Variants in LMBR1 observed in about 807,000 individuals in gnomAD.
LMBR1 encodes the protein limb development membrane protein 1, also known as limb region 1 protein homolog.
In LMBR1, 52 loss-of-function variants were observed where a neutral mutation model predicts 73.9. The ratio of observed to expected loss-of-function variants is 0.70; its 90% CI spans 0.56 to 0.89. The LOEUF is 0.89. Ranked by LOEUF, LMBR1 falls within the 40% of genes least tolerant of loss-of-function variation. The pLI is 0.00. For synonymous variants in LMBR1, 215 were observed against 209.4 expected (o/e 1.03, Z -0.23); for missense variants, 539 against 579.8 (o/e 0.93, Z 0.72).
chr7:156,700,290 G>C (rs1809360907), intron 15 of LMBR1, among the ~76,000 whole-genome samples: 1 of 151,964 alleles, frequency 6.6e-6, no homozygotes, highest in Non-Finnish European at 1.5e-5. Context: ...ACTATTGCAA[G>C]GACAAAAAAC....
chr7:156,729,753 G>A (rs561603812), intron 10 of LMBR1, among the ~76,000 whole-genome samples: 2 of 152,306 alleles, frequency 1.3e-5, no homozygotes, highest in South Asian at 2.1e-4. Flanking sequence ...GATTACAGGC[G>A]TGAGCCACTG....
chr7:156,681,368 T>A lies in LMBR1; in HGVS notation c.*2710A>T, dbSNP rs748953678. The A allele has an allele frequency of 2.4e-5, 7 of 286,128 alleles. No homozygotes were observed. Among genetic ancestry groups the A allele is most frequent in the Non-Finnish European group, 4.1e-5 (6 of 147,572 alleles). The allele number at this position is 286,128 out of a possible 1,614,324, so 17.7% of individuals were successfully genotyped here. ...AGTGCAGCAATTTAAGGAGCTAACA[T>A]TAGTGTGTATGTGTGTACAAATTTC... On this transcript the variant is annotated 3_prime_UTR_variant, in exon 17 of 17. Transcript: ENST00000353442.
At position 156,763,247 on chromosome 7, in the gene LMBR1, C is replaced by G. The variant is rs147958223; in HGVS notation, c.551-71G>C. 7 of 653,746 alleles carry G rather than the reference C, an allele frequency of 1.1e-5. No individual in the cohort carries two copies. The South Asian group carries it at 1.5e-4, about 14-fold the overall frequency. The allele number at this position is 653,746 out of a possible 1,614,324, so 40.5% of individuals were successfully genotyped here. On this transcript the variant is annotated intron_variant, in intron 6 of 16. Transcript: ENST00000353442. ...ACATTAAGATAGTCAGTCTATCTTACGATAAGATAGAGGCTGACTGTACCT... is the reference window on the plus strand; with the variant it reads ...ACATTAAGATAGTCAGTCTATCTTAGGATAAGATAGAGGCTGACTGTACCT...
At chr7:156,859,213 A>G (rs1268624273) in intron 1 of LMBR1, among the ~76,000 whole-genome samples, 2 of 150,734 alleles carry the variant, frequency 1.3e-5, no homozygotes, top group African/African-American at 4.9e-5. Flanking sequence ...GCGCCATTGC[A>G]GTCCAGCCTG....
intron 1 of LMBR1, among the ~76,000 whole-genome samples, chr7:156,838,379 C>T (rs942675728): frequency 1.3e-5 from 2 of 152,128 alleles, no homozygotes; most frequent in African/African-American, 2.4e-5. Flanking sequence ...AAGCCCCCAC[C>T]CCTAGTCCCT....
At chr7:156,676,559 G>A, downstream of LMBR1, 1 of 1,614,218 alleles carries the variant, frequency 6.2e-7, no homozygotes, top group South Asian at 1.1e-5. Context: ...ATGCGTGTCT[G>A]CTGGCACTAG....
intron 15 of LMBR1, among the ~76,000 whole-genome samples, chr7:156,699,818 C>T (rs1437664766): frequency 6.6e-6 from 1 of 152,132 alleles, no homozygotes; most frequent in East Asian, 1.9e-4. Flanking sequence ...TCATCACTGG[C>T]CATCAGAGAA....
chr7:156,712,382 G>GA (rs1157977378), intron 15 of LMBR1, among the ~76,000 whole-genome samples: 1 of 152,122 alleles, frequency 6.6e-6, no homozygotes, highest in African/African-American at 2.4e-5. Context: ...AGAGGATGCA[G>GA]AAAAAAGGGA....
chr7:156,734,704 A>C (rs982567188), intron 9 of LMBR1, among the ~76,000 whole-genome samples: 16 of 152,192 alleles, frequency 1.1e-4, no homozygotes, highest in Non-Finnish European at 1.5e-5. Flanking sequence ...GTAAAGTTCT[A>C]ATTTGATCTA....
At chr7:156,892,587 A>C in intron 1 of LMBR1, 2 of 202,146 alleles carry the variant, frequency 9.9e-6, no homozygotes, top group Non-Finnish European at 2.0e-5. Flanking sequence ...CGCGGCGCGC[A>C]CCGCAGCCCT....
chr7:156,840,230 A>C (rs906780461), intron 1 of LMBR1, among the ~76,000 whole-genome samples: 10 of 152,230 alleles, frequency 6.6e-5, no homozygotes, highest in African/African-American at 2.2e-4. Context: ...TGGAGCTTAC[A>C]GTACACTGCG....
chr7:156,865,167 C>T (rs868362664), intron 1 of LMBR1, among the ~76,000 whole-genome samples: 15 of 151,746 alleles, frequency 9.9e-5, no homozygotes, highest in African/African-American at 2.9e-4. Flanking sequence ...ATTAGCTGGG[C>T]GTGATGTTGC....
At chr7:156,757,567 T>C (rs1267688753) in intron 8 of LMBR1, among the ~76,000 whole-genome samples, 1 of 152,228 alleles carries the variant, frequency 6.6e-6, no homozygotes, top group East Asian at 1.9e-4. Flanking sequence ...GGATCCTTAT[T>C]ATCTTCGTAG....
chr7:156,675,333 A>C (rs1318979512), downstream of LMBR1, among the ~76,000 whole-genome samples: 1 of 152,124 alleles, frequency 6.6e-6, no homozygotes. Context: ...GGTGCCTCTC[A>C]CAGGAGGGTC....
At chr7:156,689,496 A>T (rs537942017) in intron 15 of LMBR1, among the ~76,000 whole-genome samples, 1 of 152,334 alleles carries the variant, frequency 6.6e-6, no homozygotes, top group South Asian at 2.1e-4. Context: ...TCTACTACAG[A>T]TAGCCTCTAC....
At chr7:156,794,939 G>GA (rs1324962660) in intron 5 of LMBR1, among the ~76,000 whole-genome samples, 2 of 152,066 alleles carry the variant, frequency 1.3e-5, no homozygotes, top group African/African-American at 4.8e-5. Context: ...AGTGGTAGAT[G>GA]AAAAAAAATT....
In LMBR1 at chr7:156,683,896, T is replaced by A. The variant is rs1230031042; in HGVS notation, c.*182A>T. The A allele has an allele frequency of 3.4e-6, 2 of 596,792 alleles. No homozygotes were observed. Among genetic ancestry groups the A allele is most frequent in the African/African-American group, 3.7e-5 (2 of 54,052 alleles). The allele number at this position is 596,792 out of a possible 1,614,324, so 37.0% of individuals were successfully genotyped here. A position where few individuals can be genotyped will look rare whatever the true frequency, so the allele number is the denominator to read the frequency against. On this transcript the variant is annotated 3_prime_UTR_variant, in exon 17 of 17. Coordinates refer to ENST00000353442, the MANE Select transcript of LMBR1 (RefSeq NM_022458.4). ...GAAACTACAGGGTCCATCAGAAAGT[T>A]AAATTTAAAAAAGATCAGCCATAGC... is the stretch of plus-strand genomic sequence containing the variant.
At chr7:156,766,844 T>C (rs1563312505) in intron 5 of LMBR1, among the ~76,000 whole-genome samples, 1 of 152,144 alleles carries the variant, frequency 6.6e-6, no homozygotes, top group Non-Finnish European at 1.5e-5. Flanking sequence ...AATGTCATCA[T>C]GATGGTGTGA....
chr7:156,855,246 A>C (rs1157265257), intron 1 of LMBR1, among the ~76,000 whole-genome samples: 1 of 152,236 alleles, frequency 6.6e-6, no homozygotes, highest in Non-Finnish European at 1.5e-5. Context: ...GAGAAATCAA[A>C]TATACTGTAA....
Sources: gnomAD v4.1 joint callset for allele counts (sites outside exome capture counted in the v4.1 genomes callset) on GRCh38, gnomAD v4.1.1 for gene constraint, MANE v1.5 for transcripts, NCBI Gene and HGNC (gene_info 2026-07-23, HGNC 2026-07-21) for gene names.